The following RFX3 variants were observed in gnomAD, a reference collection of about 807,000 sequenced individuals.
RFX3 encodes the protein regulatory factor X3, also known as transcription factor RFX3.
Under a neutral mutation model 98.6 loss-of-function variants are expected in RFX3, and 14 were observed. The ratio of observed to expected loss-of-function variants is 0.14; its 90% CI spans 0.09 to 0.22. The LOEUF is 0.22. Ranked by LOEUF, RFX3 falls within the 10% of genes least tolerant of loss-of-function variation. RFX3 has a pLI of 1.00. For missense variants in RFX3, 639 were observed against 926.9 expected, an observed-to-expected ratio of 0.69 and a Z score of 4.03; for synonymous variants, 383 against 328.4, an observed-to-expected ratio of 1.17 and a Z score of -1.80.
intron 1 of RFX3, among the ~76,000 whole-genome samples, chr9:3,484,846 G>C (rs769876704): frequency 6.6e-6 from 1 of 151,974 alleles, no homozygotes; most frequent in East Asian, 1.9e-4. Context: ...CCCTTTGGGA[G>C]GCCAAAAAGG....
At chr9:3,514,637 C>T (rs1282617114) in intron 1 of RFX3, among the ~76,000 whole-genome samples, 1 of 152,082 alleles carries the variant, frequency 6.6e-6, no homozygotes, top group Non-Finnish European at 1.5e-5. Context: ...TTTGTAGAAA[C>T]AGGGTCTCAC....
At chr9:3,507,352 A>G (rs1817201922) in intron 1 of RFX3, among the ~76,000 whole-genome samples, 1 of 151,962 alleles carries the variant, frequency 6.6e-6, no homozygotes, top group Non-Finnish European at 1.5e-5. Context: ...CAGACCATAT[A>G]GGATAATAAT....
At chr9:3,298,737 C>G (rs775619922) in intron 5 of RFX3, among the ~76,000 whole-genome samples, 2 of 151,750 alleles carry the variant, frequency 1.3e-5, no homozygotes, top group African/African-American at 2.4e-5. Context: ...AGGTGTAAAG[C>G]AAAGCAATCA....
chr9:3,369,330 C>T (rs150703162), intron 2 of RFX3, among the ~76,000 whole-genome samples: 105 of 152,282 alleles, frequency 6.9e-4, no homozygotes, highest in Admixed American at 1.2e-3. Flanking sequence ...ACAGGGGTCT[C>T]TCTAGGTTGT....
chr9:3,429,128 T>G (rs923127771), intron 1 of RFX3, among the ~76,000 whole-genome samples: 1 of 150,900 alleles, frequency 6.6e-6, no homozygotes, highest in African/African-American at 2.4e-5. Flanking sequence ...GTTCATGCCA[T>G]TCTCCTGCCT....
chr9:3,525,674 C>G (rs1438360296), intron 1 of RFX3, 73 bp downstream of exon 1: 1 of 157,924 alleles, frequency 6.3e-6, no homozygotes, highest in East Asian at 1.9e-4. Flanking sequence ...CACGAACACA[C>G]ACACGCACGG....
intron 5 of RFX3, among the ~76,000 whole-genome samples, chr9:3,298,074 T>A (rs1003417874): frequency 6.6e-6 from 1 of 151,728 alleles, no homozygotes; most frequent in Non-Finnish European, 1.5e-5. Context: ...CATCTTCATA[T>A]ATAAAAAAAT....
intron 2 of RFX3, among the ~76,000 whole-genome samples, chr9:3,351,245 T>G (rs1835076051): frequency 6.6e-6 from 1 of 151,894 alleles, no homozygotes; most frequent in African/African-American, 2.4e-5. Context: ...GCAGTAATAC[T>G]AAAGGTGCTT....
At chr9:3,302,392 TG>T (rs1828772059) in intron 4 of RFX3, among the ~76,000 whole-genome samples, 1 of 151,798 alleles carries the variant, frequency 6.6e-6, no homozygotes. Context: ...TAGTGATAAA[TG>T]TGATACACTC....
chr9:3,449,745 C>G (rs1410767502), intron 1 of RFX3, among the ~76,000 whole-genome samples: 1 of 151,762 alleles, frequency 6.6e-6, no homozygotes, highest in East Asian at 1.9e-4. Flanking sequence ...CCCAGCCACT[C>G]CAGAGGCTGA....
rs1817524833 is a variant in RFX3 at position 3,224,141 on chromosome 9, C to G, written c.*901G>C. ...CCAAATGGAATGGTTTCCTGTATGT[C>G]CAGCTCAGCATAAGTAGCATGTACA... On this transcript the variant is annotated 3_prime_UTR_variant, in exon 17 of 17. Coordinates refer to ENST00000617270, the MANE Select transcript of RFX3 (RefSeq NM_001282116.2). 6.6e-6 allele frequency: 1 copy of G among 151,962 alleles called. No individual in the cohort carries two copies. Among genetic ancestry groups the G allele is most frequent in the African/African-American group, 2.4e-5 (1 of 41,368 alleles). The allele number at this position is 151,962 out of a possible 1,614,324, so 9.4% of individuals were successfully genotyped here.
At chr9:3,422,158 G>A (rs778583559) in intron 1 of RFX3, among the ~76,000 whole-genome samples, 2 of 152,148 alleles carry the variant, frequency 1.3e-5, no homozygotes, top group African/African-American at 4.8e-5. Context: ...TTTACCTCAC[G>A]TGAAAACTCT....
In RFX3 at chr9:3,505,301, T is replaced by A. The variant is rs1472636769; in HGVS notation, c.-9+20446A>T. Among the ~76,000 whole-genome samples, 324 of 101,284 alleles carry A rather than the reference T, an allele frequency of 3.2e-3. 53 individuals are homozygous for A. The highest frequency in any genetic ancestry group is 0.014 in the East Asian group (46 of 3,288). 66.4% of individuals were successfully genotyped at this position (101,284 alleles called of 152,430 possible). On this transcript the variant is annotated intron_variant, in intron 1 of 16. Coordinates refer to ENST00000617270, the MANE Select transcript of RFX3 (RefSeq NM_001282116.2). ...ATATATACATTTTTATATTTATATA[T>A]ATATAAATATATATTAATGTATATT...
intron 15 of RFX3, among the ~76,000 whole-genome samples, chr9:3,241,229 T>TG (rs1221658015): frequency 1.3e-5 from 2 of 151,718 alleles, no homozygotes; most frequent in African/African-American, 4.8e-5. Context: ...TTTTTGTTTT[T>TG]TTTTTTTTTG....
chr9:3,346,822 G>C (rs1456320296), intron 2 of RFX3, 58 bp from the exon 3 acceptor site: 7 of 1,005,616 alleles, frequency 7.0e-6, no homozygotes, highest in Non-Finnish European at 1.1e-5. Flanking sequence ...AGAATACAGA[G>C]CATTAGATCT....
intron 5 of RFX3, among the ~76,000 whole-genome samples, chr9:3,295,992 A>C (rs1409903138): frequency 6.6e-6 from 1 of 152,054 alleles, no homozygotes; most frequent in Non-Finnish European, 1.5e-5. Context: ...TTCTTGCAAC[A>C]TTAAATTACT....
chr9:3,270,153 AAG>A (rs1824242242), intron 11 of RFX3, among the ~76,000 whole-genome samples: 1 of 152,118 alleles, frequency 6.6e-6, no homozygotes, highest in African/African-American at 2.4e-5. Flanking sequence ...AGGAGAAAGA[AAG>A]AAAAAGAAAA....
chr9:3,516,805 G>A (rs565888837), intron 1 of RFX3, among the ~76,000 whole-genome samples: 2 of 152,222 alleles, frequency 1.3e-5, no homozygotes, highest in East Asian at 3.9e-4. Flanking sequence ...TATCTCATTG[G>A]TGAGCAACAG....
Position 3,398,930 on chromosome 9 carries a change from A to AT in RFX3, c.-8-3335_-8-3334insA, listed in dbSNP as rs1564048463. 1.1e-3 allele frequency among the ~76,000 whole-genome samples: 159 copies of AT among 150,006 alleles called. 1 individual carries two copies. The highest frequency in any genetic ancestry group is 3.7e-3 in the African/African-American group (150 of 40,854). ...AGAGTATAATAAAAAAAAAAAAAAA[A>AT]AAAAAAAAAAATTAAAACTACCTTT... is the stretch of plus-strand genomic sequence containing the variant. On this transcript the variant is annotated intron_variant, in intron 1 of 16. Coordinates refer to ENST00000617270, the MANE Select transcript of RFX3 (RefSeq NM_001282116.2).
Sources: allele counts gnomAD v4.1 joint callset (sites outside exome capture counted in the v4.1 genomes callset), GRCh38; gene constraint gnomAD v4.1.1; transcripts MANE v1.5; gene names NCBI Gene and HGNC (gene_info 2026-07-23, HGNC 2026-07-21).